The following LRRD1 variants were observed in gnomAD, a reference collection of about 807,000 sequenced individuals.
The protein encoded by LRRD1 is leucine-rich repeat and death domain-containing protein 1.
In LRRD1, 49 loss-of-function variants were observed where a neutral mutation model predicts 69.5. The ratio of observed to expected loss-of-function variants is 0.70; its 90% CI spans 0.56 to 0.89. The LOEUF is 0.89. Among genes scored for constraint, LRRD1 ranks in the 40% least tolerant of loss-of-function variants. The pLI is 0.00. For missense variants in LRRD1, 853 were observed against 956.0 expected (o/e 0.89, Z 1.42); for synonymous variants, 303 against 338.9 (o/e 0.89, Z 1.16).
intron 4 of LRRD1, among the ~76,000 whole-genome samples, chr7:92,147,922 A>C (rs965838123): frequency 2.6e-5 from 4 of 151,802 alleles, no homozygotes; most frequent in African/African-American, 9.7e-5. Context: ...ATTTTTATTT[A>C]TTTACTTATT....
intron 1 of LRRD1, among the ~76,000 whole-genome samples, chr7:92,176,520 T>A (rs751293162): frequency 3.3e-5 from 5 of 152,192 alleles, no homozygotes; most frequent in Non-Finnish European, 7.4e-5. Flanking sequence ...CTTTGTCTTG[T>A]TCCTTTAATC....
intron 1 of LRRD1, among the ~76,000 whole-genome samples, chr7:92,170,501 A>C (rs1789032595): frequency 6.6e-6 from 1 of 152,226 alleles, no homozygotes; most frequent in South Asian, 2.1e-4. Context: ...AAAAGGCGCA[A>C]ATAACATATA....
chr7:92,168,312 C>T (rs1309056949), intron 1 of LRRD1, among the ~76,000 whole-genome samples: 1 of 152,158 alleles, frequency 6.6e-6, no homozygotes, highest in East Asian at 1.9e-4. Flanking sequence ...GGAGACCTGT[C>T]CCTGCCTCAA....
chr7:92,167,572 G>A (rs1488467735), intron 1 of LRRD1, among the ~76,000 whole-genome samples: 1 of 151,164 alleles, frequency 6.6e-6, no homozygotes, highest in Non-Finnish European at 1.5e-5. Flanking sequence ...TTTCATCTGG[G>A]GTAGTTAAGA....
At chr7:92,171,645 G>A (rs1789059705) in intron 1 of LRRD1, among the ~76,000 whole-genome samples, 1 of 152,098 alleles carries the variant, frequency 6.6e-6, no homozygotes, top group African/African-American at 2.4e-5. Context: ...AAAAACTGAA[G>A]AGGGAATTCT....
At position 92,165,240 on chromosome 7, in the gene LRRD1, T is replaced by G. The variant is rs1437879484; in HGVS notation, c.-38A>C. On this transcript the variant is annotated 5_prime_UTR_variant, in exon 2 of 6. Transcript: ENST00000458448. ...TATGTTTTATGCCAATACAAAATTG[T>G]AACTTGATTTTAATTTTCATGTTTT... The G allele has an allele frequency of 1.7e-6, 2 of 1,189,102 alleles. No homozygotes were observed. The highest frequency in any genetic ancestry group is 3.1e-5 in the African/African-American group (2 of 65,334). 73.7% of individuals were successfully genotyped at this position (1,189,102 alleles called of 1,614,324 possible). A position where few individuals can be genotyped will look rare whatever the true frequency, so the allele number is the denominator to read the frequency against.
chr7:92,178,436 C>A (rs1426367253), intron 1 of LRRD1, among the ~76,000 whole-genome samples: 1 of 151,980 alleles, frequency 6.6e-6, no homozygotes, highest in African/African-American at 2.4e-5. Context: ...TTTGAGGGGG[C>A]GAGGCAGGCA....
rs758199999 is a variant in LRRD1, at chr7:92,145,446, T to TC, written c.2397-373_2397-372insG. Among the ~76,000 whole-genome samples, 1,474 of 150,466 alleles carry TC rather than the reference T, an allele frequency of 9.8e-3. 12 individuals carry two copies. The highest frequency in any genetic ancestry group is 0.016 in the Non-Finnish European group (1,086 of 67,550). ...CTGCTACTATACTATATGCTTTTTTTTTTTTTTTTTTTTTAGACAGAGTCT... is the reference window on the plus strand; with the variant it reads ...CTGCTACTATACTATATGCTTTTTTTCTTTTTTTTTTTTTTAGACAGAGTCT... On this transcript the variant is annotated intron_variant, in intron 5 of 5. Transcript: ENST00000458448.
In LRRD1 at chr7:92,164,276, G is replaced by A; in HGVS notation, c.927C>T (p.Asp309=). 1 of 1,550,870 alleles carries A rather than the reference G, an allele frequency of 6.4e-7. No individual in the cohort carries two copies. Among genetic ancestry groups the A allele is most frequent in the East Asian group, 2.5e-5 (1 of 40,800 alleles). The change falls in exon 2 of 6, where the codon GAC becomes GAT. Residue 309 remains aspartate, a synonymous_variant. Coordinates refer to ENST00000458448, the MANE Select transcript of LRRD1 (RefSeq NM_001161528.2). ...AACTGCTTATTAGGTTTCCAGTAAG[G>A]TCTAGTGAAATTAACTTTGGAAGGA... ...LCFLPKLISL[D]LTGNLISSLP...
chr7:92,148,851 G>A lies in LRRD1; in HGVS notation c.2278+1683C>T, dbSNP rs551766917. On this transcript the variant is annotated intron_variant, in intron 4 of 5. Coordinates refer to ENST00000458448, the MANE Select transcript of LRRD1 (RefSeq NM_001161528.2). ...CAACCTCTGCCTCCCGAGTTCAAGC[G>A]ATTCTCCTGCTTCAGCCTCCTGAGT... Among the ~76,000 whole-genome samples the A allele has an allele frequency of 4.9e-4, 75 of 152,190 alleles. 1 individual carries two copies. The highest frequency in any genetic ancestry group is 1.0e-3 in the Non-Finnish European group (69 of 67,994).
rs1213956617 is a variant in LRRD1 at position 92,163,566 on chromosome 7, T to C, written c.1637A>G (p.Lys546Arg). Residue 546 changes from lysine to arginine, a missense_variant, in exon 2 of 6, where the codon AAG becomes AGG. This residue lies in a region of LRRD1 where 739 missense variants were observed against 808.0 expected (regional missense o/e 0.91). Coordinates refer to ENST00000458448, the MANE Select transcript of LRRD1 (RefSeq NM_001161528.2). Reference protein sequence around the residue: ...KYLDLGKNQIKKIPASISNMI... With the variant: ...KYLDLGKNQIRKIPASISNMI... ...ATTAGAAATTGATGCTGGAATTTTC[T>C]TTATTTGGTTTTTACCAAGATCCAG... 1 of 1,530,510 alleles carries C rather than the reference T, an allele frequency of 6.5e-7. No homozygotes were observed. Among genetic ancestry groups the C allele is most frequent in the African/African-American group, 1.4e-5 (1 of 71,538 alleles). 94.8% of individuals were successfully genotyped at this position (1,530,510 alleles called of 1,614,324 possible). A position where few individuals can be genotyped will look rare whatever the true frequency, so the allele number is the denominator to read the frequency against.
At chr7:92,152,313 T>C (rs550667282) in intron 3 of LRRD1, among the ~76,000 whole-genome samples, 2 of 152,062 alleles carry the variant, frequency 1.3e-5, no homozygotes, top group East Asian at 1.9e-4. Context: ...ATCAGTGTTG[T>C]GTGTATCAAT....
intron 1 of LRRD1, 67 bp downstream of exon 1, chr7:92,178,940 G>A (rs1789256852): frequency 1.3e-5 from 2 of 152,348 alleles, no homozygotes; most frequent in East Asian, 3.9e-4. Context: ...ATGAGAAGTG[G>A]GAAAATGAGA....
downstream of LRRD1, among the ~76,000 whole-genome samples, chr7:92,143,270 T>A (rs1056789276): frequency 2.0e-5 from 3 of 152,048 alleles, no homozygotes; most frequent in African/African-American, 7.2e-5. Context: ...GTTCTCCAAG[T>A]CCCCACCAGA....
chr7:92,160,331 G>A (rs912391552), intron 2 of LRRD1, among the ~76,000 whole-genome samples: 8 of 152,148 alleles, frequency 5.3e-5, no homozygotes, highest in South Asian at 4.1e-4. Context: ...CCAACTTCAC[G>A]GAGATTAAAT....
At chr7:92,165,516 A>T (rs1300831491) in intron 1 of LRRD1, among the ~76,000 whole-genome samples, 1 of 152,166 alleles carries the variant, frequency 6.6e-6, no homozygotes, top group Non-Finnish European at 1.5e-5. Flanking sequence ...GTTCAAAGAA[A>T]ATTAGAAAAA....
intron 4 of LRRD1, 67 bp from the exon 5 acceptor site, chr7:92,146,267 T>C (rs552419521): frequency 6.6e-6 from 5 of 762,626 alleles, no homozygotes; most frequent in African/African-American, 3.6e-5. Context: ...GTTCATATTA[T>C]ATCTAGTTTT....
At chr7:92,152,867 A>G (rs774948684) in intron 3 of LRRD1, among the ~76,000 whole-genome samples, 18 of 151,950 alleles carry the variant, frequency 1.2e-4, no homozygotes, top group Non-Finnish European at 2.6e-4. Context: ...ACGAGGTTTC[A>G]CCATATTGGT....
downstream of LRRD1, chr7:92,141,996 G>C (rs1299163077): frequency 1.3e-5 from 2 of 154,242 alleles, no homozygotes; most frequent in Middle Eastern, 3.4e-3. Context: ...AGGATGGAGT[G>C]CAGTGGTGCC....
Sources: gnomAD v4.1 joint callset for allele counts (sites outside exome capture counted in the v4.1 genomes callset) on GRCh38, gnomAD v4.1.1 for gene constraint, gnomAD v4.1.1 regional missense constraint, MANE v1.5 for transcripts, NCBI Gene and HGNC (gene_info 2026-07-23, HGNC 2026-07-21) for gene names.